RFTN1: variants seen among roughly 807,000 people sequenced by gnomAD.
RFTN1 encodes raftlin.
RFTN1 carries 26 observed loss-of-function variants against 46.5 expected under a neutral mutation model. The observed-to-expected ratio is 0.56, with a 90% CI of 0.41 to 0.78. The LOEUF (loss-of-function observed/expected upper bound fraction) is 0.78. Among genes scored for constraint, RFTN1 ranks in the 30% least tolerant of loss-of-function variants. The probability of loss-of-function intolerance (pLI) is 0.00; values close to 1 mark genes in which losing one functional copy is unlikely to be tolerated. For synonymous variants in RFTN1, 261 were observed against 284.2 expected (o/e 0.92, Z 0.82); for missense variants, 693 against 718.7 (o/e 0.96, Z 0.41).
rs965835904 is a variant in RFTN1, at chr3:16,329,487, A to G, written c.1147-2611T>C. On this transcript the variant is annotated intron_variant, in intron 7 of 9. Transcript: ENST00000334133. The surrounding 1 kb of genome is among the most constrained non-coding windows in gnomAD (Gnocchi z 4.5). ...TTCTGGTCCCTTCCCTGAAGCCTCT[A>G]TCAGGCCAGAGATGGCCCAGCAGTT... Among the ~76,000 whole-genome samples the G allele has an allele frequency of 6.6e-6, 1 of 152,198 alleles. No individual in the cohort carries two copies. Among genetic ancestry groups the G allele is most frequent in the South Asian group, 2.1e-4 (1 of 4,828 alleles).
rs538661972 is a variant in RFTN1 at position 16,380,086 on chromosome 3, T to C, written c.442-1984A>G. Among the ~76,000 whole-genome samples the C allele has an allele frequency of 1.3e-5, 2 of 152,306 alleles. No homozygotes were observed. Among genetic ancestry groups the C allele is most frequent in the South Asian group, 4.1e-4 (2 of 4,826 alleles). ...ACTGCTTCCATGGAGGGCTCAACCA[T>C]AGGCCAGTCTCAACTAGAGTCACGG... On this transcript the variant is annotated intron_variant, in intron 4 of 9. Coordinates refer to ENST00000334133, the MANE Select transcript of RFTN1 (RefSeq NM_015150.2). This position sits in a 1 kb window ranked among gnomAD's most constrained non-coding sequence, Gnocchi z 4.8.
Position 16,447,827 on chromosome 3 carries a change from T to C in RFTN1, c.146-13790A>G, listed in dbSNP as rs958364184. Among the ~76,000 whole-genome samples, 3 of 152,226 alleles carry C rather than the reference T, an allele frequency of 2.0e-5. No individual in the cohort carries two copies. The highest frequency in any genetic ancestry group is 6.5e-5 in the Admixed American group (1 of 15,282). On this transcript the variant is annotated intron_variant, in intron 2 of 9. Transcript: ENST00000334133. This position sits in a 1 kb window ranked among gnomAD's most constrained non-coding sequence, Gnocchi z 5.9. Reference sequence around the variant, plus strand: ...TAATCAGGCAAAGGAATGTACTTTCTGGACTTGCCAGTGATCACTTACTGA... The same window carrying C: ...TAATCAGGCAAAGGAATGTACTTTCCGGACTTGCCAGTGATCACTTACTGA...
chr3:16,342,725 G>T lies in RFTN1; in HGVS notation c.1146+15207C>A, dbSNP rs17042167. On this transcript the variant is annotated intron_variant, in intron 7 of 9. Transcript: ENST00000334133. This position sits in a 1 kb window ranked among gnomAD's most constrained non-coding sequence, Gnocchi z 4.0. ...CCAAGCCTAATTTGCCACTTCACCC[G>T]AAAAGGATGTTTAAAGAGGCCACTG... 2.0e-5 allele frequency among the ~76,000 whole-genome samples: 3 copies of T among 152,188 alleles called. No homozygotes were observed. The highest frequency in any genetic ancestry group is 6.5e-5 in the Admixed American group (1 of 15,286).
chr3:16,360,470 G>A (rs1386821663), intron 6 of RFTN1, among the ~76,000 whole-genome samples: 1 of 152,146 alleles, frequency 6.6e-6, no homozygotes, highest in African/African-American at 2.4e-5. Context: ...ATTTAGCAAG[G>A]TGACAAATTT....
rs530777631 is a variant in RFTN1 at position 16,348,197 on chromosome 3, A to C, written c.1146+9735T>G. On this transcript the variant is annotated intron_variant, in intron 7 of 9. Coordinates refer to ENST00000334133, the MANE Select transcript of RFTN1 (RefSeq NM_015150.2). The surrounding 1 kb of genome is among the most constrained non-coding windows in gnomAD (Gnocchi z 6.3). The stretch of plus-strand genomic sequence containing the variant: ...CAGGAGCAGGGCTTTGCTAAGAGGC[A>C]CAAGTGCTGCCTGTTTGAGGTGAAA... Among the ~76,000 whole-genome samples the C allele has an allele frequency of 3.9e-5, 6 of 152,244 alleles. No individual in the cohort carries two copies. Among genetic ancestry groups the C allele is most frequent in the African/African-American group, 1.4e-4 (6 of 41,550 alleles).
chr3:16,333,480 A>G (rs2070527131), intron 7 of RFTN1, among the ~76,000 whole-genome samples: 2 of 151,692 alleles, frequency 1.3e-5, no homozygotes, highest in Admixed American at 1.3e-4. Flanking sequence ...TATCTATCTA[A>G]TTATGTCATT....
At position 16,361,904 on chromosome 3, in the gene RFTN1, G is replaced by A. The variant is rs2072857497; in HGVS notation, c.1031-3857C>T. ...AGCAGAGCTGCCGCAGTGGAGCCCA[G>A]CTGAGACCAGTTCTGCCTCAACAGA... On this transcript the variant is annotated intron_variant, in intron 6 of 9. Transcript: ENST00000334133. The surrounding 1 kb of genome is among the most constrained non-coding windows in gnomAD (Gnocchi z 4.3). Among the ~76,000 whole-genome samples the A allele has an allele frequency of 6.6e-6, 1 of 152,218 alleles. No individual in the cohort carries two copies. Among genetic ancestry groups the A allele is most frequent in the Admixed American group, 6.5e-5 (1 of 15,286 alleles).
chr3:16,462,635 A>T (rs965970548), intron 2 of RFTN1, among the ~76,000 whole-genome samples: 2 of 152,238 alleles, frequency 1.3e-5, no homozygotes, highest in Non-Finnish European at 2.9e-5. Flanking sequence ...GAAGCAAGGA[A>T]TAGATTTTCC....
intron 7 of RFTN1, among the ~76,000 whole-genome samples, chr3:16,330,088 C>T (rs958972021): frequency 6.6e-6 from 1 of 152,142 alleles, no homozygotes; most frequent in Non-Finnish European, 1.5e-5. Context: ...GAGATGTCAG[C>T]CAGAGGGTAC....
intron 2 of RFTN1, among the ~76,000 whole-genome samples, chr3:16,434,384 AC>A (rs1361119586): frequency 4.8e-4 from 64 of 133,730 alleles, no homozygotes; most frequent in African/African-American, 1.0e-3. Context: ...AAACAAACAA[AC>A]AAACAAACAA....
Position 16,465,419 on chromosome 3 carries a change from G to GACAT in RFTN1, c.145+28305_145+28306insATGT, listed in dbSNP as rs2076072654. ...CCAACAGAGGTTGGCAGCTCAGAGG[G>GACAT]ACACACACACACACACACACACACA... On this transcript the variant is annotated intron_variant, in intron 2 of 9. Coordinates refer to ENST00000334133, the MANE Select transcript of RFTN1 (RefSeq NM_015150.2). The surrounding 1 kb of genome is among the most constrained non-coding windows in gnomAD (Gnocchi z 5.1). Among the ~76,000 whole-genome samples, 2 of 143,404 alleles carry GACAT rather than the reference G, an allele frequency of 1.4e-5. No individual in the cohort carries two copies. Among genetic ancestry groups the GACAT allele is most frequent in the South Asian group, 4.6e-4 (2 of 4,376 alleles). The allele number at this position is 143,404 out of a possible 152,430, so 94.1% of individuals were successfully genotyped here. A position where few individuals can be genotyped will look rare whatever the true frequency, so the allele number is the denominator to read the frequency against.
chr3:16,367,187 G>C (rs114256726), intron 6 of RFTN1, among the ~76,000 whole-genome samples: 1 of 139,278 alleles, frequency 7.2e-6, no homozygotes, highest in Non-Finnish European at 1.5e-5. Context: ...ATGGCAAACA[G>C]CTTAAAGATG....
chr3:16,374,341 T>C lies in RFTN1; in HGVS notation c.826+3377A>G, dbSNP rs1369320739. 2.0e-5 allele frequency among the ~76,000 whole-genome samples: 3 copies of C among 152,176 alleles called. No individual in the cohort carries two copies. The highest frequency in any genetic ancestry group is 1.9e-4 in the East Asian group (1 of 5,192). ...CTGATGACCGTGGGTGGGAGCTCAA[T>C]AGCTGTTTGTTAATGGACTGAGTAA... On this transcript the variant is annotated intron_variant, in intron 5 of 9. Coordinates refer to ENST00000334133, the MANE Select transcript of RFTN1 (RefSeq NM_015150.2). The surrounding 1 kb of genome is among the most constrained non-coding windows in gnomAD (Gnocchi z 5.4).
chr3:16,318,365 T>A (rs2068663836), intron 9 of RFTN1, among the ~76,000 whole-genome samples: 1 of 152,208 alleles, frequency 6.6e-6, no homozygotes, highest in South Asian at 2.1e-4. Flanking sequence ...AAGGGAGCTC[T>A]CAGTTCCTAT....
intron 6 of RFTN1, among the ~76,000 whole-genome samples, chr3:16,362,276 A>G (rs534073264): frequency 6.6e-6 from 1 of 152,202 alleles, no homozygotes. Context: ...AGAGTCTGTT[A>G]TCAAACAGCC....
Position 16,423,065 on chromosome 3 carries a change from G to A in RFTN1, c.332+10786C>T, listed in dbSNP as rs1575268001. ...TGCCTGTAGTCCCAGCTCCTTGGGA[G>A]GCTGAGGCAGGAGAATGGCGAGAAC... is the stretch of plus-strand genomic sequence containing the variant. On this transcript the variant is annotated intron_variant, in intron 3 of 9. Coordinates refer to ENST00000334133, the MANE Select transcript of RFTN1 (RefSeq NM_015150.2). Among the ~76,000 whole-genome samples the A allele has an allele frequency of 2.6e-5, 4 of 152,092 alleles. No individual in the cohort carries two copies. In the East Asian group the frequency reaches 7.7e-4, roughly 29 times the overall value.
rs1443784734 is a variant in RFTN1 at position 16,453,383 on chromosome 3, T to C, written c.146-19346A>G. On this transcript the variant is annotated intron_variant, in intron 2 of 9. Transcript: ENST00000334133. ...ACCCTCAGATCCCAATCCTATGCTT[T>C]TTCTACTATACCACAGTAGTGCAGC... 1.3e-5 allele frequency among the ~76,000 whole-genome samples: 2 copies of C among 152,346 alleles called. 1 individual carries two copies. Among genetic ancestry groups the C allele is most frequent in the African/African-American group, 4.8e-5 (2 of 41,584 alleles).
chr3:16,387,223 A>C lies in RFTN1; in HGVS notation c.442-9121T>G, dbSNP rs139321494. 1.1e-4 allele frequency among the ~76,000 whole-genome samples: 16 copies of C among 152,270 alleles called. No individual in the cohort carries two copies. The highest frequency in any genetic ancestry group is 3.4e-4 in the African/African-American group (14 of 41,558). ...ATCCATCCAGTCCACCCAGGGCCAC[A>C]AGGAGGAGGGCTCAAGGTCTCCCGC... is the stretch of plus-strand genomic sequence containing the variant. On this transcript the variant is annotated intron_variant, in intron 4 of 9. Transcript: ENST00000334133. The surrounding 1 kb of genome is among the most constrained non-coding windows in gnomAD (Gnocchi z 5.2).
rs572827393 is a variant in RFTN1, at chr3:16,467,408, C to T, written c.145+26317G>A. 2.0e-5 allele frequency among the ~76,000 whole-genome samples: 3 copies of T among 152,314 alleles called. 1 individual carries two copies. Among genetic ancestry groups the T allele is most frequent in the African/African-American group, 7.2e-5 (3 of 41,570 alleles). ...CTTCTCAGACTGCTCCAGTGCCATC[C>T]ACAACATTCCACACAGGCCCTACAC... is the stretch of plus-strand genomic sequence containing the variant. On this transcript the variant is annotated intron_variant, in intron 2 of 9. Coordinates refer to ENST00000334133, the MANE Select transcript of RFTN1 (RefSeq NM_015150.2).
Sources: allele counts gnomAD v4.1 joint callset (sites outside exome capture counted in the v4.1 genomes callset), GRCh38; gene constraint gnomAD v4.1.1; non-coding constraint Gnocchi (gnomAD v3.1); transcripts MANE v1.5; gene names NCBI Gene and HGNC (gene_info 2026-07-23, HGNC 2026-07-21).